The following TTLL5 variants were observed in gnomAD, a reference collection of about 807,000 sequenced individuals.
The protein encoded by TTLL5 is tubulin tyrosine ligase like 5.
In TTLL5, 132 loss-of-function variants were observed where a neutral mutation model predicts 168.4. The ratio of observed to expected loss-of-function variants is 0.78; its 90% CI spans 0.68 to 0.91. TTLL5 has a LOEUF of 0.91. Among genes scored for constraint, TTLL5 ranks in the 40% least tolerant of loss-of-function variants. The pLI, the probability that TTLL5 is intolerant of heterozygous loss-of-function variation, is 0.00. For synonymous variants in TTLL5, 546 were observed against 558.6 expected (o/e 0.98, Z 0.32); for missense variants, 1,545 against 1,581.5 (o/e 0.98, Z 0.39).
chr14:75,760,865 C>A (rs1211800539), intron 18 of TTLL5, among the ~76,000 whole-genome samples: 3 of 151,814 alleles, frequency 2.0e-5, no homozygotes, highest in African/African-American at 7.3e-5. Context: ...AGACATGACA[C>A]AGAAAGCAAT....
chr14:75,942,677 A>G (rs2034648076), intron 31 of TTLL5, among the ~76,000 whole-genome samples: 1 of 152,328 alleles, frequency 6.6e-6, no homozygotes, highest in South Asian at 2.1e-4. Flanking sequence ...CTCATAGTGC[A>G]GTTTACCTTG....
rs1221244586 is a variant in TTLL5 at position 75,906,617 on chromosome 14, G to GC, written c.3823+4396dup. 4 of 985,774 alleles carry GC rather than the reference G, an allele frequency of 4.1e-6. No individual in the cohort carries two copies. In the African/African-American group the frequency reaches 7.0e-5, roughly 17 times the overall value. The allele number at this position is 985,774 out of a possible 1,614,324, so 61.1% of individuals were successfully genotyped here. A position where few individuals can be genotyped will look rare whatever the true frequency, so the allele number is the denominator to read the frequency against. ...CAAACCCTTGCCCACACAATCTGAA[G>GC]CCCTTGCTACAGTTATAGGACAGAG... On this transcript the variant is annotated intron_variant, in intron 31 of 31. Transcript: ENST00000298832.
At chr14:75,706,778 TTTA>T (rs1886687963) in intron 7 of TTLL5, among the ~76,000 whole-genome samples, 2 of 151,284 alleles carry the variant, frequency 1.3e-5, no homozygotes, top group South Asian at 4.1e-4. Flanking sequence ...TTATTTATTA[TTTA>T]TTATGTGAGA....
intron 18 of TTLL5, among the ~76,000 whole-genome samples, chr14:75,755,651 G>A (rs929181773): frequency 6.6e-6 from 1 of 152,008 alleles, no homozygotes; most frequent in African/African-American, 2.4e-5. Flanking sequence ...TCAGTATCAA[G>A]AACCTACCAC....
chr14:75,709,081 G>C (rs1343731110), intron 9 of TTLL5: 4 of 672,120 alleles, frequency 6.0e-6, no homozygotes. Flanking sequence ...GGTTGGACAA[G>C]CTTGTTATAA....
At chr14:75,760,941 T>C (rs912274052) in intron 18 of TTLL5, among the ~76,000 whole-genome samples, 3 of 152,082 alleles carry the variant, frequency 2.0e-5, no homozygotes, top group Admixed American at 6.6e-5. Context: ...GTTAGGAAAA[T>C]GATTTGGCAA....
At chr14:75,856,233 CATA>C (rs1566632517) in intron 28 of TTLL5, among the ~76,000 whole-genome samples, 2 of 152,218 alleles carry the variant, frequency 1.3e-5, no homozygotes, top group East Asian at 3.9e-4. Context: ...TGTGGTGGCA[CATA>C]CCTGTAATCC....
chr14:75,728,522 A>G (rs1888331958), intron 12 of TTLL5, among the ~76,000 whole-genome samples: 1 of 152,166 alleles, frequency 6.6e-6, no homozygotes, highest in African/African-American at 2.4e-5. Flanking sequence ...GAAGAATAAT[A>G]GCAAACCAAA....
At chr14:75,735,005 TCTC>T (rs1358476635) in intron 14 of TTLL5, among the ~76,000 whole-genome samples, 187 bp from the exon 15 acceptor site, 1 of 152,242 alleles carries the variant, frequency 6.6e-6, no homozygotes. Context: ...TCCCTTTTCT[TCTC>T]TCTAGTTATG....
chr14:75,879,240 T>G (rs546574325), intron 29 of TTLL5, among the ~76,000 whole-genome samples: 1 of 152,362 alleles, frequency 6.6e-6, no homozygotes, highest in South Asian at 2.1e-4. Context: ...AGGAAAAGAT[T>G]ATTTCTGCCA....
chr14:75,865,927 A>G (rs2030478726), intron 29 of TTLL5, among the ~76,000 whole-genome samples: 2 of 152,142 alleles, frequency 1.3e-5, no homozygotes, highest in African/African-American at 4.8e-5. Flanking sequence ...ATTCATCATA[A>G]TTGTATATAT....
chr14:75,882,973 C>A, intron 30 of TTLL5, 71 bp downstream of exon 30: 1 of 1,484,860 alleles, frequency 6.7e-7, no homozygotes, highest in Non-Finnish European at 9.2e-7. Context: ...TTATTTATTA[C>A]TCTTCAAGAC....
chr14:75,776,576 G>T, intron 22 of TTLL5, 171 bp from the exon 23 acceptor site: 1 of 471,368 alleles, frequency 2.1e-6, no homozygotes, highest in Non-Finnish European at 3.8e-6. Flanking sequence ...CAAAATCATG[G>T]CCAAAAGTAA....
At chr14:75,943,001 AAAAAAGAC>A in intron 31 of TTLL5, among the ~76,000 whole-genome samples, 1 of 152,304 alleles carries the variant, frequency 6.6e-6, no homozygotes, top group African/African-American at 2.4e-5. Context: ...CATTTGGCCA[AAAAAAGAC>A]AGAATTTCCA....
chr14:75,925,723 A>G (rs1352369864), intron 31 of TTLL5, among the ~76,000 whole-genome samples: 4 of 152,046 alleles, frequency 2.6e-5, no homozygotes, highest in African/African-American at 4.8e-5. Context: ...AGGTTGTAGC[A>G]AGCCGAGATC....
chr14:75,909,560 C>T (rs2033284337), intron 31 of TTLL5, among the ~76,000 whole-genome samples: 1 of 152,070 alleles, frequency 6.6e-6, no homozygotes, highest in Admixed American at 6.6e-5. Context: ...TACCTTCCTT[C>T]GGAGCCTTGT....
chr14:75,747,851 C>T (rs1160609598), intron 17 of TTLL5, among the ~76,000 whole-genome samples: 1 of 152,112 alleles, frequency 6.6e-6, no homozygotes, highest in Non-Finnish European at 1.5e-5. Context: ...GGACTTTCAC[C>T]CTATACCTAA....
At chr14:75,780,968 G>T (rs1295978818) in intron 24 of TTLL5, among the ~76,000 whole-genome samples, 6 of 152,086 alleles carry the variant, frequency 3.9e-5, no homozygotes, top group African/African-American at 1.2e-4. Context: ...AAAGTTTATT[G>T]TCTGGTAGGT....
At chr14:75,890,864 CA>C (rs2032368586) in intron 30 of TTLL5, among the ~76,000 whole-genome samples, 1 of 152,128 alleles carries the variant, frequency 6.6e-6, no homozygotes, top group African/African-American at 2.4e-5. Flanking sequence ...GGACTACAGG[CA>C]TGCACCACCA....
Sources: gnomAD v4.1 joint callset for allele counts (sites outside exome capture counted in the v4.1 genomes callset) on GRCh38, gnomAD v4.1.1 for gene constraint, MANE v1.5 for transcripts, NCBI Gene and HGNC (gene_info 2026-07-23, HGNC 2026-07-21) for gene names.